Variants in CUEDC2 observed in about 807,000 individuals in gnomAD.
The protein encoded by CUEDC2 is CUE domain containing 2, also known as CUE domain-containing protein 2.
CUEDC2 carries 10 observed loss-of-function variants against 36.0 expected under a neutral mutation model. The observed-to-expected ratio is 0.28, with a 90% CI of 0.17 to 0.47. The LOEUF (loss-of-function observed/expected upper bound fraction) is 0.47. CUEDC2 is among the 20% of genes least tolerant of loss of function. CUEDC2 has a pLI of 0.99. For missense variants in CUEDC2, 269 were observed against 368.1 expected (o/e 0.73, Z 2.20); for synonymous variants, 133 against 141.8 (o/e 0.94, Z 0.44).
At chr10:102,427,199 T>C (rs909102362) in intron 1 of CUEDC2, among the ~76,000 whole-genome samples, 2 of 152,178 alleles carry the variant, frequency 1.3e-5, no homozygotes, top group Non-Finnish European at 2.9e-5. Flanking sequence ...GCCCTTTCTC[T>C]GTCCCCTTCT....
chr10:102,429,965 A>C (rs2061610619), intron 1 of CUEDC2, among the ~76,000 whole-genome samples: 1 of 150,080 alleles, frequency 6.7e-6, no homozygotes, highest in Admixed American at 6.6e-5. Context: ...CGCCCAGCTA[A>C]TTTTTTGTAT....
At position 102,423,358 on chromosome 10, in the gene CUEDC2, G is replaced by A; in HGVS notation, c.*68C>T. The A allele has an allele frequency of 6.3e-7, 1 of 1,597,366 alleles. No individual in the cohort carries two copies. Among genetic ancestry groups the A allele is most frequent in the Non-Finnish European group, 8.6e-7 (1 of 1,166,728 alleles). ...CAGGAGTTAGGGGGCCCCTGTGTAGGGGTATAGGGCTCCTGCATCCCTCTG... is the reference window on the plus strand; with the variant it reads ...CAGGAGTTAGGGGGCCCCTGTGTAGAGGTATAGGGCTCCTGCATCCCTCTG... On this transcript the variant is annotated 3_prime_UTR_variant, in exon 9 of 9. Coordinates refer to ENST00000369937, the MANE Select transcript of CUEDC2 (RefSeq NM_024040.3). This position sits in a 1 kb window ranked among gnomAD's most constrained non-coding sequence, Gnocchi z 5.6.
chr10:102,429,278 A>G (rs1450925585), intron 1 of CUEDC2, among the ~76,000 whole-genome samples: 1 of 152,116 alleles, frequency 6.6e-6, no homozygotes, highest in African/African-American at 2.4e-5. Context: ...GTGTATACTC[A>G]GCATCTCTCA....
In CUEDC2 at chr10:102,423,783, C is replaced by T. The variant is rs1436838874; in HGVS notation, c.656+15G>A. On this transcript the variant is annotated intron_variant, in intron 7 of 8. Transcript: ENST00000369937. This position sits in a 1 kb window ranked among gnomAD's most constrained non-coding sequence, Gnocchi z 5.6. Reference sequence around the variant, plus strand: ...AAGACCCTCTAGGGCCCAGCCCAGCCCAGCCCAGACTCACTTCTGCAGGAT... The same window carrying T: ...AAGACCCTCTAGGGCCCAGCCCAGCTCAGCCCAGACTCACTTCTGCAGGAT... 6.2e-7 allele frequency: 1 copy of T among 1,613,974 alleles called. No individual in the cohort carries two copies.
chr10:102,424,570 T>C lies in CUEDC2; in HGVS notation c.219-10A>G. 1 of 1,614,142 alleles carries C rather than the reference T, an allele frequency of 6.2e-7. No individual in the cohort carries two copies. The highest frequency in any genetic ancestry group is 8.5e-7 in the Non-Finnish European group (1 of 1,179,986). ...GTCCCCTATTGTGCCCCTGAAAAGA[T>C]GAGGGCAGTGAGAGGATGACTCTGC... is the stretch of plus-strand genomic sequence containing the variant. On this transcript the variant is annotated splice_polypyrimidine_tract_variant and intron_variant, in intron 3 of 8. Coordinates refer to ENST00000369937, the MANE Select transcript of CUEDC2 (RefSeq NM_024040.3). This position sits in a 1 kb window ranked among gnomAD's most constrained non-coding sequence, Gnocchi z 4.2.
intron 1 of CUEDC2, among the ~76,000 whole-genome samples, chr10:102,431,639 C>A (rs2061616975): frequency 6.6e-6 from 1 of 152,228 alleles, no homozygotes; most frequent in Non-Finnish European, 1.5e-5. Context: ...AATCTCCTCT[C>A]CTGCCTGGCT....
rs754375845 is a variant in CUEDC2, at chr10:102,424,639, C to T, written c.218+10G>A. 5 of 1,614,076 alleles carry T rather than the reference C, an allele frequency of 3.1e-6. No individual in the cohort carries two copies. The highest frequency in any genetic ancestry group is 2.2e-5 in the East Asian group (1 of 44,894). On this transcript the variant is annotated intron_variant, in intron 3 of 8. Transcript: ENST00000369937. This position sits in a 1 kb window ranked among gnomAD's most constrained non-coding sequence, Gnocchi z 4.2. ...GCCCCTTCCTCCTCCTGGCCCTAGC[C>T]AGAACCTACCTGGGGATGTGGGCGA...
In CUEDC2 at chr10:102,423,377, C is replaced by T; in HGVS notation, c.*49G>A. Reference sequence around the variant, plus strand: ...GTGTAGGGGTATAGGGCTCCTGCATCCCTCTGGGATCTGAGCCTAGAAGGC... The same window carrying T: ...GTGTAGGGGTATAGGGCTCCTGCATTCCTCTGGGATCTGAGCCTAGAAGGC... On this transcript the variant is annotated 3_prime_UTR_variant, in exon 9 of 9. Coordinates refer to ENST00000369937, the MANE Select transcript of CUEDC2 (RefSeq NM_024040.3). This position sits in a 1 kb window ranked among gnomAD's most constrained non-coding sequence, Gnocchi z 5.6. 1 of 1,612,472 alleles carries T rather than the reference C, an allele frequency of 6.2e-7. No individual in the cohort carries two copies. Among genetic ancestry groups the T allele is most frequent in the Non-Finnish European group, 8.5e-7 (1 of 1,179,070 alleles).
rs757863273 is a variant in CUEDC2 at position 102,423,872 on chromosome 10, G to C, written c.595-13C>G. 1 of 1,611,090 alleles carries C rather than the reference G, an allele frequency of 6.2e-7. No individual in the cohort carries two copies. Among genetic ancestry groups the C allele is most frequent in the African/African-American group, 1.3e-5 (1 of 74,862 alleles). The stretch of plus-strand genomic sequence containing the variant: ...GTCTGGGCAGGTCCTGCAGAGAGGG[G>C]AGGCCTGGTCTAGGCCCAAGGGCAC... On this transcript the variant is annotated splice_polypyrimidine_tract_variant and intron_variant, in intron 6 of 8. Coordinates refer to ENST00000369937, the MANE Select transcript of CUEDC2 (RefSeq NM_024040.3). The surrounding 1 kb of genome is among the most constrained non-coding windows in gnomAD (Gnocchi z 5.6).
intron 1 of CUEDC2, among the ~76,000 whole-genome samples, chr10:102,428,942 A>C (rs1464709421): frequency 6.6e-6 from 1 of 151,708 alleles, no homozygotes; most frequent in Non-Finnish European, 1.5e-5. Flanking sequence ...GAATGACATG[A>C]ACCTGGGAGG....
intron 1 of CUEDC2, among the ~76,000 whole-genome samples, 153 bp from the exon 2 acceptor site, chr10:102,425,351 C>T (rs1000621288): frequency 3.3e-5 from 5 of 151,698 alleles, no homozygotes; most frequent in South Asian, 2.1e-4. Flanking sequence ...CCCCCTCCTC[C>T]GCCCATCTCA....
At position 102,424,817 on chromosome 10, in the gene CUEDC2, C is replaced by T; in HGVS notation, c.75-25G>A. On this transcript the variant is annotated intron_variant, in intron 2 of 8. Transcript: ENST00000369937. The surrounding 1 kb of genome is among the most constrained non-coding windows in gnomAD (Gnocchi z 4.2). ...ACTGCAGGAAGGGAACAGGACAAGC[C>T]CTGGGTAGGACACTGGATGCCTCCA... 1 of 1,609,792 alleles carries T rather than the reference C, an allele frequency of 6.2e-7. No individual in the cohort carries two copies. The highest frequency in any genetic ancestry group is 8.5e-7 in the Non-Finnish European group (1 of 1,179,160).
Position 102,423,628 on chromosome 10 carries a change from G to A in CUEDC2, c.717+29C>T, listed in dbSNP as rs143589722. 6.4e-4 allele frequency: 1,032 copies of A among 1,614,112 alleles called. 9 individuals carry two copies. In the East Asian group the frequency reaches 0.019, roughly 29 times the overall value. On this transcript the variant is annotated intron_variant, in intron 8 of 8. Transcript: ENST00000369937. The surrounding 1 kb of genome is among the most constrained non-coding windows in gnomAD (Gnocchi z 5.6). ...GCCAGGAGCCAGTCCCACCCATTCC[G>A]CATCCCCAGCAACCCTTAACTCTCT...
Position 102,431,444 on chromosome 10 carries a change from G to A in CUEDC2, c.-11+1082C>T, listed in dbSNP as rs180971080. On this transcript the variant is annotated intron_variant, in intron 1 of 8. Coordinates refer to ENST00000369937, the MANE Select transcript of CUEDC2 (RefSeq NM_024040.3). ...CAGGCATGAACCACCGCGCCCGGCC[G>A]TATTATCCACATTTTACCTGAAAGG... Among the ~76,000 whole-genome samples the A allele has an allele frequency of 1.8e-4, 27 of 152,162 alleles. No individual in the cohort carries two copies. In the East Asian group the frequency reaches 2.3e-3, roughly 13 times the overall value.
In CUEDC2 at chr10:102,432,427, C is replaced by CGG. The variant is rs397970767; in HGVS notation, c.-11+97_-11+98dup. 105 of 151,720 alleles carry CGG rather than the reference C, an allele frequency of 6.9e-4. No individual in the cohort carries two copies. In the East Asian group the frequency reaches 0.014, roughly 21 times the overall value. 9.4% of individuals were successfully genotyped at this position (151,720 alleles called of 1,614,324 possible). On this transcript the variant is annotated intron_variant, in intron 1 of 8. Transcript: ENST00000369937. The stretch of plus-strand genomic sequence containing the variant: ...TCAGAGATGGGGGTCCGACGGGCCC[C>CGG]GGGGGGGGTACCGTGGGGGAACACA...
chr10:102,428,799 G>C (rs2061606824), intron 1 of CUEDC2, among the ~76,000 whole-genome samples: 1 of 152,128 alleles, frequency 6.6e-6, no homozygotes, highest in South Asian at 2.1e-4. Flanking sequence ...CCAGGGGGTT[G>C]GATCACGAGG....
At chr10:102,431,832 C>T (rs1271180536) in intron 1 of CUEDC2, among the ~76,000 whole-genome samples, 1 of 152,128 alleles carries the variant, frequency 6.6e-6, no homozygotes, top group African/African-American at 2.4e-5. Context: ...CCTGGACCCT[C>T]CAGATGCTAG....
chr10:102,424,085 C>A lies in CUEDC2; in HGVS notation c.505G>T (p.Ala169Ser). ...CSVEQAQWVL[A>S]KARGDLEEAV... ...TCTTCCAAGTCCCCCCGAGCTTTGG[C>A]CAGCACCCACTGGGCCTGCTCCACC... The change falls in exon 6 of 9, where the codon GCC (alanine) becomes TCC (serine). Residue 169 changes from alanine (A) to serine (S), a missense_variant. Physicochemically the swap from Ala to Ser is moderately conservative, Grantham distance 99. Transcript: ENST00000369937. This position sits in a 1 kb window ranked among gnomAD's most constrained non-coding sequence, Gnocchi z 4.2. 6.2e-7 allele frequency: 1 copy of A among 1,614,142 alleles called. No individual in the cohort carries two copies. Among genetic ancestry groups the A allele is most frequent in the Non-Finnish European group, 8.5e-7 (1 of 1,180,004 alleles).
chr10:102,424,670 G>C lies in CUEDC2; in HGVS notation c.197C>G (p.Pro66Arg), dbSNP rs769457340. 8 of 1,614,086 alleles carry C rather than the reference G, an allele frequency of 5.0e-6. No individual in the cohort carries two copies. Among genetic ancestry groups the C allele is most frequent in the Non-Finnish European group, 6.8e-6 (8 of 1,180,038 alleles). Residue 66 changes from proline (P) to arginine (R), a missense_variant, in exon 3 of 9, where the codon CCT becomes CGT. Physicochemically the swap from Pro to Arg is moderately radical, Grantham distance 103. Coordinates refer to ENST00000369937, the MANE Select transcript of CUEDC2 (RefSeq NM_024040.3). This position sits in a 1 kb window ranked among gnomAD's most constrained non-coding sequence, Gnocchi z 4.2. ...CTACCTGGGGATGTGGGCGAAGCCA[G>C]GCACATAGGCCTCCATCATCTCAGT... Reference protein sequence around the residue: ...AFTEMMEAYVPGFAHIPRGTI... With the variant: ...AFTEMMEAYVRGFAHIPRGTI...
Sources: allele counts gnomAD v4.1 joint callset (sites outside exome capture counted in the v4.1 genomes callset), GRCh38; gene constraint gnomAD v4.1.1; non-coding constraint Gnocchi (gnomAD v3.1); transcripts MANE v1.5; gene names NCBI Gene and HGNC (gene_info 2026-07-23, HGNC 2026-07-21).